TRAPPC13: variants seen among roughly 807,000 people sequenced by gnomAD.
TRAPPC13 encodes trafficking protein particle complex subunit 13, also known as REV7-interacting novel NHEJ regulator 1.
A neutral mutation model predicts 54.0 loss-of-function variants in TRAPPC13; 39 were observed. The observed-to-expected ratio is 0.72, with a 90% CI of 0.56 to 0.94. The LOEUF (loss-of-function observed/expected upper bound fraction) is 0.94. Among genes scored for constraint, TRAPPC13 ranks in the 40% least tolerant of loss-of-function variants. The pLI is 0.00. For synonymous variants in TRAPPC13, 148 were observed against 167.7 expected (o/e 0.88, Z 0.91); for missense variants, 386 against 488.1 (o/e 0.79, Z 1.97).
chr5:65,629,415 G>T (rs183152828), intron 1 of TRAPPC13: 2 of 1,265,894 alleles, frequency 1.6e-6, no homozygotes, highest in Non-Finnish European at 2.0e-6. Flanking sequence ...CCTGCCTGTT[G>T]GTAGGCAGGG....
intron 9 of TRAPPC13, 131 bp downstream of exon 9, chr5:65,658,632 A>T (rs1756736416): frequency 2.9e-6 from 2 of 689,062 alleles, no homozygotes; most frequent in African/African-American, 3.7e-5. Flanking sequence ...AGAAAAATTC[A>T]TCAGAAAGTA....
intron 11 of TRAPPC13, 71 bp downstream of exon 11, chr5:65,662,221 T>C (rs775237712): frequency 1.9e-6 from 2 of 1,059,308 alleles, no homozygotes; most frequent in Non-Finnish European, 2.7e-6. Flanking sequence ...AAAATCTTTT[T>C]GTTACTATCT....
Position 65,635,853 on chromosome 5 carries a change from T to C in TRAPPC13, c.116-91T>C, listed in dbSNP as rs1227735837. 1.0e-5 allele frequency: 8 copies of C among 773,722 alleles called. No homozygotes were observed. In the East Asian group the frequency reaches 2.5e-4, roughly 24 times the overall value. 47.9% of individuals were successfully genotyped at this position (773,722 alleles called of 1,614,324 possible). On this transcript the variant is annotated intron_variant, in intron 2 of 12. Transcript: ENST00000399438. ...ATATCATCTTTGTCAAGAGGTTGTT[T>C]TTTAAAATATCTCTCCCAGCTATTT...
At chr5:65,629,722 TG>T in intron 1 of TRAPPC13, 1 of 1,536,098 alleles carries the variant, frequency 6.5e-7, no homozygotes, top group East Asian at 2.4e-5. Flanking sequence ...TTCCATATGA[TG>T]GGTCCAAGCT....
At chr5:65,642,715 G>A (rs892085632) in intron 4 of TRAPPC13, among the ~76,000 whole-genome samples, 13 of 152,042 alleles carry the variant, frequency 8.6e-5, no homozygotes, top group African/African-American at 3.1e-4. Flanking sequence ...CTGTTGCCCA[G>A]GTTGGTGTGA....
chr5:65,654,841 T>C (rs2044415), intron 7 of TRAPPC13, among the ~76,000 whole-genome samples: 5,039 of 152,308 alleles, frequency 0.033, 276 homozygotes, highest in African/African-American at 0.12. Context: ...TTTGGTCACC[T>C]GCCAGGTACC....
intron 1 of TRAPPC13, chr5:65,630,542 A>T (rs1755497698): frequency 8.0e-7 from 1 of 1,253,540 alleles, no homozygotes. Flanking sequence ...ACTGAATTTG[A>T]AGGTAAAAAT....
At chr5:65,625,708 C>T (rs576433485) in intron 1 of TRAPPC13, among the ~76,000 whole-genome samples, 1 of 152,134 alleles carries the variant, frequency 6.6e-6, no homozygotes, top group Admixed American at 6.5e-5. Context: ...GAAAAAACAG[C>T]AGCACTTTTT....
chr5:65,651,280 G>A (rs186161747), intron 6 of TRAPPC13, among the ~76,000 whole-genome samples: 48 of 152,212 alleles, frequency 3.2e-4, no homozygotes, highest in Non-Finnish European at 6.6e-4. Context: ...TCGTTGGGAG[G>A]CTGAGGCGGA....
At chr5:65,645,509 C>T (rs1400486716) in intron 4 of TRAPPC13, among the ~76,000 whole-genome samples, 1 of 151,888 alleles carries the variant, frequency 6.6e-6, no homozygotes, top group East Asian at 1.9e-4. Flanking sequence ...GAATTAACTG[C>T]AAAACTGTTT....
intron 1 of TRAPPC13, among the ~76,000 whole-genome samples, chr5:65,627,222 C>T (rs184575157): frequency 6.0e-5 from 9 of 149,822 alleles, no homozygotes; most frequent in East Asian, 2.0e-4. Context: ...CTTTATTAAA[C>T]CTCTTTAGTA....
chr5:65,653,365 A>G (rs1756542730), intron 7 of TRAPPC13, among the ~76,000 whole-genome samples: 1 of 152,188 alleles, frequency 6.6e-6, no homozygotes, highest in Non-Finnish European at 1.5e-5. Context: ...TAATGATCAG[A>G]CATTTTTAAT....
chr5:65,634,756 A>G (rs1323545775), intron 1 of TRAPPC13, among the ~76,000 whole-genome samples: 5 of 151,552 alleles, frequency 3.3e-5, no homozygotes, highest in East Asian at 1.9e-4. Flanking sequence ...AAAAATAACC[A>G]GGCATGGTGG....
intron 4 of TRAPPC13, 118 bp from the exon 5 acceptor site, chr5:65,646,937 C>A: frequency 1.0e-6 from 1 of 969,694 alleles, no homozygotes; most frequent in Non-Finnish European, 1.5e-6. Flanking sequence ...GTGTTGCTCC[C>A]CCTTTCATCC....
At chr5:65,652,784 A>G (rs27148) in intron 7 of TRAPPC13, 317,176 of 514,636 alleles carry the variant, frequency 0.62, 98,810 homozygotes, top group South Asian at 0.66. Flanking sequence ...TAAGGCTTTC[A>G]TCTCCTTTCG....
intron 7 of TRAPPC13, among the ~76,000 whole-genome samples, chr5:65,655,014 G>A (rs965657108): frequency 2.6e-5 from 4 of 152,104 alleles, no homozygotes. Flanking sequence ...ATGATTTCCA[G>A]CTATGCATTT....
intron 1 of TRAPPC13, chr5:65,630,647 G>A (rs764022035): frequency 7.3e-5 from 75 of 1,021,144 alleles, no homozygotes; most frequent in Non-Finnish European, 8.3e-5. Flanking sequence ...TAATTTTACT[G>A]TATTTTTTTC....
chr5:65,627,271 A>G (rs919231398), intron 1 of TRAPPC13, among the ~76,000 whole-genome samples: 3 of 152,028 alleles, frequency 2.0e-5, no homozygotes, highest in African/African-American at 4.8e-5. Context: ...TTAATCAACA[A>G]TTTTCACACA....
intron 1 of TRAPPC13, among the ~76,000 whole-genome samples, chr5:65,632,262 T>C (rs1755577235): frequency 1.3e-5 from 2 of 152,194 alleles, no homozygotes; most frequent in Non-Finnish European, 2.9e-5. Context: ...AGACCCTGTC[T>C]AGTGATTTTA....
Sources: gnomAD v4.1 joint callset for allele counts (sites outside exome capture counted in the v4.1 genomes callset) on GRCh38, gnomAD v4.1.1 for gene constraint, MANE v1.5 for transcripts, NCBI Gene and HGNC (gene_info 2026-07-23, HGNC 2026-07-21) for gene names.